NTM: variants seen among roughly 807,000 people sequenced by gnomAD.
The protein encoded by NTM is neurotrimin.
Under a neutral mutation model 42.1 loss-of-function variants are expected in NTM, and 13 were observed. The ratio of observed to expected loss-of-function variants is 0.31; its 90% CI spans 0.20 to 0.49. NTM has a LOEUF of 0.49. NTM is among the 20% of genes least tolerant of loss of function. NTM has a pLI of 0.99. For missense variants in NTM, 373 were observed against 452.8 expected (o/e 0.82, Z 1.60); for synonymous variants, 187 against 179.2 (o/e 1.04, Z -0.35).
At position 131,475,512 on chromosome 11, in the gene NTM, G is replaced by GA. The variant is rs140602433; in HGVS notation, c.82+104627dup. Among the ~76,000 whole-genome samples, 621 of 152,110 alleles carry GA rather than the reference G, an allele frequency of 4.1e-3. 5 individuals carry two copies. Among genetic ancestry groups the GA allele is most frequent in the African/African-American group, 0.014 (592 of 41,484 alleles). On this transcript the variant is annotated intron_variant, in intron 1 of 8. Transcript: ENST00000683400. ...CCTGAGGAGGAGGAGGAGGAGGATT[G>GA]AAATGCAGGGAGCTGATAAACTGCT... is the stretch of plus-strand genomic sequence containing the variant.
At chr11:131,387,313 TCTCC>T (rs1446613820) in intron 1 of NTM, among the ~76,000 whole-genome samples, 34 of 152,194 alleles carry the variant, frequency 2.2e-4, no homozygotes, top group African/African-American at 7.9e-4. Flanking sequence ...TCTCTCTCTC[TCTCC>T]CTCTCTCTCT....
chr11:132,016,119 AG>A (rs1035905254), intron 2 of NTM, among the ~76,000 whole-genome samples: 4 of 151,484 alleles, frequency 2.6e-5, no homozygotes, highest in Non-Finnish European at 4.4e-5. Context: ...TTTTCACGCA[AG>A]GGTGTTGAAT....
intron 1 of NTM, among the ~76,000 whole-genome samples, chr11:131,720,383 G>A (rs2078194339): frequency 6.6e-6 from 1 of 152,270 alleles, no homozygotes; most frequent in South Asian, 2.1e-4. Context: ...GCTATAATTA[G>A]TGTATTCTGT....
chr11:132,069,047 A>G (rs1323678894), intron 2 of NTM, among the ~76,000 whole-genome samples: 1 of 152,002 alleles, frequency 6.6e-6, no homozygotes, highest in South Asian at 2.1e-4. Flanking sequence ...TAACATGTCA[A>G]ACTGACCATC....
intron 2 of NTM, among the ~76,000 whole-genome samples, chr11:132,024,520 A>T (rs981063877): frequency 6.6e-6 from 1 of 152,122 alleles, no homozygotes; most frequent in African/African-American, 2.4e-5. Flanking sequence ...ATTGTTTTGG[A>T]TTTTTTTGTT....
Position 132,195,042 on chromosome 11 carries a change from C to T in NTM, c.401-16980C>T, listed in dbSNP as rs185797161. Among the ~76,000 whole-genome samples the T allele has an allele frequency of 9.0e-3, 1,363 of 151,854 alleles. 13 individuals carry two copies. Among genetic ancestry groups the T allele is most frequent in the African/African-American group, 0.031 (1,282 of 41,396 alleles). Reference sequence around the variant, plus strand: ...TTCACCATGTTGGCCAGGTTGGTCTCGAACTCCTAACCTCAAGTGATCTGT... The same window carrying T: ...TTCACCATGTTGGCCAGGTTGGTCTTGAACTCCTAACCTCAAGTGATCTGT... On this transcript the variant is annotated intron_variant, in intron 3 of 8. Transcript: ENST00000683400.
At chr11:131,979,717 C>T (rs1419268461) in intron 2 of NTM, among the ~76,000 whole-genome samples, 6 of 152,214 alleles carry the variant, frequency 3.9e-5, no homozygotes, top group Non-Finnish European at 8.8e-5. Context: ...ATGTCATTCT[C>T]CCTGCCCCAA....
Position 131,423,818 on chromosome 11 carries a change from C to A in NTM, c.82+52930C>A, listed in dbSNP as rs1947782672. 2.6e-5 allele frequency among the ~76,000 whole-genome samples: 4 copies of A among 152,206 alleles called. No individual in the cohort carries two copies. In the South Asian group the frequency reaches 8.3e-4, roughly 31 times the overall value. On this transcript the variant is annotated intron_variant, in intron 1 of 8. Coordinates refer to ENST00000683400, the MANE Select transcript of NTM (RefSeq NM_001352005.2). ...GTCTGCATTGTCAGTCAGGGTGCAG[C>A]ACCTTCCATCTCTTATCTAGGAAGG...
intron 1 of NTM, among the ~76,000 whole-genome samples, chr11:131,464,535 C>T (rs971827546): frequency 6.6e-6 from 1 of 152,204 alleles, no homozygotes; most frequent in African/African-American, 2.4e-5. Context: ...CTTCTCTCTT[C>T]CTGGCTCCCT....
intron 3 of NTM, among the ~76,000 whole-genome samples, chr11:132,170,880 T>A (rs2076019819): frequency 6.6e-6 from 1 of 152,224 alleles, no homozygotes; most frequent in Non-Finnish European, 1.5e-5. Context: ...GTCCTTGACC[T>A]CATGATGGGG....
chr11:131,511,827 C>T (rs1350492233), intron 1 of NTM, among the ~76,000 whole-genome samples: 1 of 152,162 alleles, frequency 6.6e-6, no homozygotes, highest in Non-Finnish European at 1.5e-5. Context: ...TTTGCTCAAT[C>T]CCATTGTAAC....
chr11:132,319,499 A>G (rs1565472411), intron 7 of NTM, among the ~76,000 whole-genome samples: 2 of 152,160 alleles, frequency 1.3e-5, no homozygotes, highest in Admixed American at 6.5e-5. Context: ...AGGGTCCTAC[A>G]CCCACGGAGT....
At chr11:131,878,641 A>G (rs1206737856) in intron 1 of NTM, among the ~76,000 whole-genome samples, 13 of 122,574 alleles carry the variant, frequency 1.1e-4, no homozygotes, top group Non-Finnish European at 1.6e-4. Flanking sequence ...ATATATATAT[A>G]ATGTCTTATG....
In NTM at chr11:132,079,233, A is replaced by G. The variant is rs79802671; in HGVS notation, c.168-67049A>G. On this transcript the variant is annotated intron_variant, in intron 2 of 8. Transcript: ENST00000683400. ...GCCGACACTCATGGAGGCCACCTAT[A>G]TTTCCAGCTGCTTTTCTACACTCTT... Among the ~76,000 whole-genome samples the G allele has an allele frequency of 7.4e-3, 1,131 of 152,276 alleles. 14 individuals carry two copies. Among genetic ancestry groups the G allele is most frequent in the Middle Eastern group, 0.014 (4 of 294 alleles).
intron 4 of NTM, among the ~76,000 whole-genome samples, chr11:132,240,216 A>T (rs1472971319): frequency 1.3e-5 from 2 of 152,262 alleles, no homozygotes; most frequent in Non-Finnish European, 2.9e-5. Context: ...TTATCATGAG[A>T]GACAAATATA....
chr11:131,926,004 T>C (rs2057900204), intron 2 of NTM, among the ~76,000 whole-genome samples: 1 of 152,206 alleles, frequency 6.6e-6, no homozygotes, highest in Non-Finnish European at 1.5e-5. Context: ...GCTTCAGTAG[T>C]GCCTACTGTA....
intron 2 of NTM, among the ~76,000 whole-genome samples, chr11:131,979,501 T>A (rs1199173323): frequency 6.6e-6 from 1 of 152,220 alleles, no homozygotes; most frequent in African/African-American, 2.4e-5. Context: ...CAAAGTGAAG[T>A]ACAGCCCATG....
chr11:131,612,269 A>G (rs1365225332), intron 1 of NTM, among the ~76,000 whole-genome samples: 2 of 152,248 alleles, frequency 1.3e-5, no homozygotes, highest in Admixed American at 1.3e-4. Flanking sequence ...CTGAAGCAGA[A>G]CTGCTCAGCC....
intron 1 of NTM, among the ~76,000 whole-genome samples, chr11:131,889,064 C>T (rs147784037): frequency 1.4e-3 from 211 of 152,130 alleles, no homozygotes; most frequent in African/African-American, 3.5e-3. Context: ...AGGGAGCGTC[C>T]GGATTTTAGG....
Sources: allele counts gnomAD v4.1 joint callset (sites outside exome capture counted in the v4.1 genomes callset), GRCh38; gene constraint gnomAD v4.1.1; transcripts MANE v1.5; gene names NCBI Gene and HGNC (gene_info 2026-07-23, HGNC 2026-07-21).